Variants in ADAMTS19 observed in about 807,000 individuals in gnomAD.
The protein encoded by ADAMTS19 is ADAM metallopeptidase with thrombospondin type 1 motif 19, also known as A disintegrin and metalloproteinase with thrombospondin motifs 19.
Under a neutral mutation model 153.3 loss-of-function variants are expected in ADAMTS19, and 93 were observed. The ratio of observed to expected loss-of-function variants is 0.61; its 90% CI spans 0.51 to 0.72. The LOEUF (loss-of-function observed/expected upper bound fraction) is 0.72. ADAMTS19 is among the 30% of genes least tolerant of loss of function. ADAMTS19 has a pLI of 0.00. For missense variants in ADAMTS19, 1,482 were observed against 1,552.1 expected, an observed-to-expected ratio of 0.95 and a Z score of 0.76; for synonymous variants, 600 against 556.6, an observed-to-expected ratio of 1.08 and a Z score of -1.10.
chr5:129,631,672 T>G (rs2127001598), intron 10 of ADAMTS19, among the ~76,000 whole-genome samples: 1 of 152,104 alleles, frequency 6.6e-6, no homozygotes, highest in African/African-American at 2.4e-5. Flanking sequence ...ATTAATCTGA[T>G]TTTGTGTGTT....
At chr5:129,543,995 TTC>T (rs1306947972) in intron 6 of ADAMTS19, among the ~76,000 whole-genome samples, 31 of 152,316 alleles carry the variant, frequency 2.0e-4, no homozygotes, top group African/African-American at 7.2e-4. Context: ...ATGTTTTATC[TTC>T]TCTCTTTTAG....
chr5:129,654,556 C>T (rs1753460882), intron 14 of ADAMTS19, 123 bp downstream of exon 14: 1 of 1,095,286 alleles, frequency 9.1e-7, no homozygotes, highest in African/African-American at 1.6e-5. Context: ...TATAGTCCTG[C>T]CTTGACTGTG....
intron 2 of ADAMTS19, among the ~76,000 whole-genome samples, chr5:129,478,651 A>G (rs1349693507): frequency 6.6e-6 from 1 of 152,032 alleles, no homozygotes; most frequent in Non-Finnish European, 1.5e-5. Context: ...TGCTCGAGCA[A>G]TCCTCCCACT....
chr5:129,706,908 T>A (rs560351385), intron 21 of ADAMTS19, among the ~76,000 whole-genome samples: 72 of 152,346 alleles, frequency 4.7e-4, no homozygotes, highest in African/African-American at 1.7e-3. Flanking sequence ...TATGAATATA[T>A]GTATGTAATT....
At chr5:129,540,547 G>A (rs1003838220) in intron 6 of ADAMTS19, among the ~76,000 whole-genome samples, 3 of 151,970 alleles carry the variant, frequency 2.0e-5, no homozygotes, top group Non-Finnish European at 2.9e-5. Context: ...CCTATTTGCA[G>A]AAATGCTTTT....
At chr5:129,604,345 C>A (rs1750795339) in intron 8 of ADAMTS19, among the ~76,000 whole-genome samples, 1 of 152,114 alleles carries the variant, frequency 6.6e-6, no homozygotes, top group East Asian at 1.9e-4. Flanking sequence ...ATTATCTCCT[C>A]CTGCTCAAAG....
At chr5:129,625,027 C>T (rs1402006829) in intron 10 of ADAMTS19, among the ~76,000 whole-genome samples, 2 of 151,592 alleles carry the variant, frequency 1.3e-5, no homozygotes, top group Admixed American at 6.6e-5. Flanking sequence ...GATATTTTCC[C>T]CGCCCTCTGT....
intron 6 of ADAMTS19, among the ~76,000 whole-genome samples, chr5:129,534,172 T>C (rs1394316820): frequency 6.6e-6 from 1 of 152,122 alleles, no homozygotes; most frequent in Non-Finnish European, 1.5e-5. Context: ...GTCTCATTGA[T>C]CTGTCTAATG....
chr5:129,682,995 C>T (rs1754891993), intron 17 of ADAMTS19, among the ~76,000 whole-genome samples: 4 of 152,012 alleles, frequency 2.6e-5, no homozygotes, highest in Admixed American at 1.3e-4. Flanking sequence ...CCTATCATTA[C>T]GACTACCTTG....
rs376514254 is a variant in ADAMTS19, at chr5:129,528,616, G to C, written c.1267G>C (p.Glu423Gln). 16 of 1,607,438 alleles carry C rather than the reference G, an allele frequency of 1.0e-5. No homozygotes were observed. Among genetic ancestry groups the C allele is most frequent in the South Asian group, 3.3e-5 (3 of 89,790 alleles). Residue 423 changes from glutamate to glutamine, a missense_variant, in exon 6 of 23, where the codon GAG becomes CAG. Physicochemically the swap from Glu to Gln is conservative, Grantham distance 29 (BLOSUM62 2). This residue lies in a region of ADAMTS19 where 866 missense variants were observed against 827.7 expected (regional missense o/e 1.05). Transcript: ENST00000274487. ...TGGCAAAAAGAATGATATACATTTA[G>C]AGATGTCAACAAACTGGGGGGAAGA... ...EFGKKNDIHL[E>Q]MSTNWGEDMT... is the part of the protein sequence containing the mutation.
intron 18 of ADAMTS19, among the ~76,000 whole-genome samples, chr5:129,693,219 G>C (rs1023165989): frequency 3.9e-5 from 6 of 152,144 alleles, no homozygotes; most frequent in African/African-American, 1.4e-4. Context: ...CCAACCAGTT[G>C]CCTCTTACCA....
intron 6 of ADAMTS19, among the ~76,000 whole-genome samples, chr5:129,542,928 A>G (rs1752704576): frequency 6.6e-6 from 1 of 152,130 alleles, no homozygotes; most frequent in Non-Finnish European, 1.5e-5. Flanking sequence ...ATAGGATTAT[A>G]TCATCTATAT....
intron 2 of ADAMTS19, among the ~76,000 whole-genome samples, chr5:129,480,467 A>T (rs998414235): frequency 6.6e-6 from 1 of 152,190 alleles, no homozygotes; most frequent in African/African-American, 2.4e-5. Context: ...CATAATACAA[A>T]AAGTGGGAGA....
rs1332877701 is a variant in ADAMTS19 at position 129,571,452 on chromosome 5, T to C, written c.1372+19545T>C. Among the ~76,000 whole-genome samples, 3 of 151,608 alleles carry C rather than the reference T, an allele frequency of 2.0e-5. No homozygotes were observed. The East Asian group carries it at 5.8e-4, about 29-fold the overall frequency. On this transcript the variant is annotated intron_variant, in intron 7 of 22. Transcript: ENST00000274487. ...AGCTCCAAAATGAAAAAATGAAATA[T>C]GTAGGTATAAATTTAACCAAACAGG... is the stretch of plus-strand genomic sequence containing the variant.
intron 21 of ADAMTS19, among the ~76,000 whole-genome samples, chr5:129,724,420 G>A (rs144004886): frequency 2.4e-3 from 373 of 152,260 alleles, no homozygotes; most frequent in African/African-American, 8.5e-3. Flanking sequence ...ATTGTTACCA[G>A]CAGCAAATCC....
intron 8 of ADAMTS19, among the ~76,000 whole-genome samples, chr5:129,606,002 G>A (rs1452173663): frequency 6.6e-6 from 1 of 152,120 alleles, no homozygotes; most frequent in Non-Finnish European, 1.5e-5. Context: ...AGAGAAAAAG[G>A]TCTAATATAT....
At chr5:129,481,621 C>T (rs1393978591) in intron 2 of ADAMTS19, among the ~76,000 whole-genome samples, 1 of 152,166 alleles carries the variant, frequency 6.6e-6, no homozygotes, top group Non-Finnish European at 1.5e-5. Flanking sequence ...GTGGTGCGAT[C>T]TCAGGTGATC....
chr5:129,630,402 G>T (rs1179575884), intron 10 of ADAMTS19, among the ~76,000 whole-genome samples: 1 of 152,040 alleles, frequency 6.6e-6, no homozygotes, highest in Non-Finnish European at 1.5e-5. Context: ...TGGTGTTGAC[G>T]AAAGGAGAGA....
intron 6 of ADAMTS19, among the ~76,000 whole-genome samples, chr5:129,537,162 G>A (rs1327203020): frequency 7.2e-5 from 11 of 152,128 alleles, no homozygotes; most frequent in Non-Finnish European, 1.2e-4. Flanking sequence ...GCAGCCAACA[G>A]ACACATGAAA....
Sources: allele counts gnomAD v4.1 joint callset (sites outside exome capture counted in the v4.1 genomes callset), GRCh38; gene constraint gnomAD v4.1.1; regional missense constraint gnomAD v4.1.1; transcripts MANE v1.5; gene names NCBI Gene and HGNC (gene_info 2026-07-23, HGNC 2026-07-21).